The following MICU2 variants were observed in gnomAD, a reference collection of about 807,000 sequenced individuals.
MICU2 encodes the protein calcium uptake protein 2, mitochondrial.
In MICU2, 64 loss-of-function variants were observed where a neutral mutation model predicts 60.4. The observed-to-expected ratio is 1.06, with a 90% CI of 0.87 to 1.31. MICU2 has a LOEUF of 1.31. Ranked by LOEUF, MICU2 falls within the 50% of genes most tolerant of loss-of-function variation. The probability of loss-of-function intolerance (pLI) is 0.00; values close to 1 mark genes in which losing one functional copy is unlikely to be tolerated. For missense variants in MICU2, 569 were observed against 531.0 expected (o/e 1.07, Z -0.70); for synonymous variants, 201 against 175.0 (o/e 1.15, Z -1.17).
At chr13:21,510,938 C>T (rs1481991989) in intron 7 of MICU2, among the ~76,000 whole-genome samples, 1 of 152,130 alleles carries the variant, frequency 6.6e-6, no homozygotes, top group African/African-American at 2.4e-5. Context: ...CAAGTCATGG[C>T]AAACTCTTCA....
chr13:21,510,298 T>C (rs1886395301), intron 7 of MICU2, among the ~76,000 whole-genome samples, 197 bp from the exon 8 acceptor site: 1 of 152,128 alleles, frequency 6.6e-6, no homozygotes, highest in African/African-American at 2.4e-5. Context: ...GTTGTTCAAG[T>C]AGGCAATAAA....
chr13:21,503,178 T>G, intron 8 of MICU2, 81 bp from the exon 9 acceptor site: 3 of 1,000,564 alleles, frequency 3.0e-6, no homozygotes, highest in Non-Finnish European at 4.4e-6. Flanking sequence ...CAAAGTACCT[T>G]CACTATTACC....
rs752917863 is a variant in MICU2 at position 21,563,177 on chromosome 13, C to T, written c.358+3620G>A. On this transcript the variant is annotated intron_variant, in intron 2 of 11. Transcript: ENST00000382374. ...TTCTGTTCTCTAAAATTTTTCTGGC[C>T]GGGCGTGGTGGCTCATGCCTGTAAT... Among the ~76,000 whole-genome samples, 26 of 152,018 alleles carry T rather than the reference C, an allele frequency of 1.7e-4. No individual in the cohort carries two copies. In the South Asian group the frequency reaches 4.4e-3, roughly 25 times the overall value.
intron 2 of MICU2, among the ~76,000 whole-genome samples, chr13:21,566,437 A>G (rs953085403): frequency 6.6e-6 from 1 of 151,796 alleles, no homozygotes; most frequent in African/African-American, 2.4e-5. Flanking sequence ...TTTTTTCAGG[A>G]TTTTCTACCT....
At chr13:21,513,739 CAAAAAAAAAA>C (rs376128312) in intron 7 of MICU2, among the ~76,000 whole-genome samples, 4 of 59,112 alleles carry the variant, frequency 6.8e-5, no homozygotes, top group African/African-American at 2.5e-4. Flanking sequence ...GACTCTGTCT[CAAAAAAAAAA>C]AAAAAAAAAA....
intron 7 of MICU2, among the ~76,000 whole-genome samples, chr13:21,510,622 T>TA (rs1019826893): frequency 3.8e-4 from 58 of 151,470 alleles, no homozygotes; most frequent in Middle Eastern, 3.4e-3. Context: ...ACAAAACTGC[T>TA]AAAAAAAAGA....
At chr13:21,552,160 T>C (rs1019845928) in intron 2 of MICU2, among the ~76,000 whole-genome samples, 54 of 152,230 alleles carry the variant, frequency 3.5e-4, no homozygotes, top group African/African-American at 1.3e-3. Context: ...ATTGTGGTTT[T>C]CATTTGCATT....
chr13:21,554,874 A>G (rs147343695), intron 2 of MICU2, among the ~76,000 whole-genome samples: 3,655 of 152,346 alleles, frequency 0.024, 151 homozygotes, highest in African/African-American at 0.082. Context: ...AACTACCATC[A>G]GAGAATACTA....
chr13:21,571,325 C>T (rs1463378223), intron 1 of MICU2, among the ~76,000 whole-genome samples: 4 of 152,146 alleles, frequency 2.6e-5, no homozygotes, highest in African/African-American at 9.6e-5. Context: ...GTCAAGATAT[C>T]AAAGTTATTT....
intron 1 of MICU2, among the ~76,000 whole-genome samples, chr13:21,582,383 T>C (rs983861031): frequency 1.8e-4 from 27 of 152,196 alleles, no homozygotes; most frequent in Non-Finnish European, 4.0e-4. Flanking sequence ...ACTTTTCCCC[T>C]AATTTTTCTA....
chr13:21,594,472 C>T (rs572264225), intron 1 of MICU2, among the ~76,000 whole-genome samples: 29 of 152,174 alleles, frequency 1.9e-4, no homozygotes, highest in African/African-American at 4.6e-4. Context: ...GACAGTGTGG[C>T]GACCTCAAGG....
intron 1 of MICU2, among the ~76,000 whole-genome samples, chr13:21,583,835 G>A (rs1017218565): frequency 1.3e-5 from 2 of 152,158 alleles, no homozygotes; most frequent in Non-Finnish European, 2.9e-5. Context: ...TTATGACCAA[G>A]TTAAACTGAA....
intron 2 of MICU2, among the ~76,000 whole-genome samples, chr13:21,557,638 T>C (rs554706348): frequency 6.6e-6 from 1 of 152,344 alleles, no homozygotes; most frequent in African/African-American, 2.4e-5. Context: ...TTCATGGAGA[T>C]CATGGGTCAG....
Position 21,495,142 on chromosome 13 carries a change from T to C in MICU2, c.1200+19A>G. 2 of 1,584,842 alleles carry C rather than the reference T, an allele frequency of 1.3e-6. No individual in the cohort carries two copies. The highest frequency in any genetic ancestry group is 1.7e-6 in the Non-Finnish European group (2 of 1,167,928). ...TTAATGACAATGTAAACATGTATTA[T>C]ATAAAAAAAATCTGTTACCCATAAA... On this transcript the variant is annotated intron_variant, in intron 11 of 11. Coordinates refer to ENST00000382374, the MANE Select transcript of MICU2 (RefSeq NM_152726.3).
At chr13:21,571,093 G>T (rs1888097279) in intron 1 of MICU2, among the ~76,000 whole-genome samples, 2 of 151,714 alleles carry the variant, frequency 1.3e-5, no homozygotes, top group African/African-American at 2.4e-5. Flanking sequence ...TAGGTTTCAG[G>T]TTGCTTTTTT....
chr13:21,537,594 T>G (rs532631963), intron 4 of MICU2, among the ~76,000 whole-genome samples: 1 of 151,946 alleles, frequency 6.6e-6, no homozygotes, highest in African/African-American at 2.4e-5. Context: ...CTCAGCCTCC[T>G]GAGTAGCTGG....
chr13:21,542,132 T>C (rs1887297937), intron 2 of MICU2, among the ~76,000 whole-genome samples: 1 of 152,176 alleles, frequency 6.6e-6, no homozygotes, highest in Non-Finnish European at 1.5e-5. Context: ...CTGAGTATTA[T>C]GAGAGGTTGT....
chr13:21,590,302 GA>G (rs998871564), intron 1 of MICU2, among the ~76,000 whole-genome samples: 2 of 152,148 alleles, frequency 1.3e-5, no homozygotes, highest in African/African-American at 4.8e-5. Context: ...CATTCTTAAA[GA>G]AAATAATTTT....
chr13:21,521,285 G>A lies in MICU2; in HGVS notation c.557C>T (p.Thr186Ile). Residue 186 changes from threonine (T) to isoleucine (I), a missense_variant, in exon 6 of 12, where the codon ACA (threonine) becomes ATA (isoleucine). Thr to Ile is a moderately conservative substitution (Grantham distance 89, BLOSUM62 -1). Transcript: ENST00000382374. ...TTTTTCAATCATCTCATTACCATCT[G>A]TATCCAGCATTTTAAAAGCAACATG... ...GFHVAFKMLD[T>I]DGNEMIEKRE... The A allele has an allele frequency of 6.2e-7, 1 of 1,610,106 alleles. No homozygotes were observed. The highest frequency in any genetic ancestry group is 8.5e-7 in the Non-Finnish European group (1 of 1,178,716).
Sources: allele counts gnomAD v4.1 joint callset (sites outside exome capture counted in the v4.1 genomes callset), GRCh38; gene constraint gnomAD v4.1.1; transcripts MANE v1.5; gene names NCBI Gene and HGNC (gene_info 2026-07-23, HGNC 2026-07-21).